Variants in DROSHA observed in about 807,000 individuals in gnomAD.
DROSHA encodes the protein ribonuclease 3.
In DROSHA, 56 loss-of-function variants were observed where a neutral mutation model predicts 181.9. The observed-to-expected ratio is 0.31, with a 90% CI of 0.25 to 0.38. The LOEUF is 0.38. Ranked by LOEUF, DROSHA falls within the 10% of genes least tolerant of loss-of-function variation. The probability of loss-of-function intolerance (pLI) is 1.00; values close to 1 mark genes in which losing one functional copy is unlikely to be tolerated. For missense variants in DROSHA, 1,218 were observed against 1,743.5 expected (o/e 0.70, Z 5.37); for synonymous variants, 524 against 591.2 (o/e 0.89, Z 1.65).
At chr5:31,464,209 T>A in intron 20 of DROSHA, 27 bp downstream of exon 20, 1 of 1,603,612 alleles carries the variant, frequency 6.2e-7, no homozygotes. Flanking sequence ...AGTATGGGCA[T>A]AACTGTGTCC....
intron 29 of DROSHA, chr5:31,421,917 C>CATGTGTGTGTGTGTGTGTGTGTGT (rs1554020886): frequency 1.3e-5 from 1 of 75,188 alleles, no homozygotes; most frequent in African/African-American, 6.3e-5. Context: ...AAAAATTAGC[C>CATGTGTGTGTGTGTGTGTGTGTGT]GTGTGTGTGT....
chr5:31,487,738 T>C (rs2150039421), intron 13 of DROSHA, among the ~76,000 whole-genome samples: 1 of 152,312 alleles, frequency 6.6e-6, no homozygotes, highest in Non-Finnish European at 1.5e-5. Flanking sequence ...GATACAAAGT[T>C]TAGTTCTTGG....
intron 31 of DROSHA, among the ~76,000 whole-genome samples, chr5:31,410,444 C>G (rs1481492395): frequency 1.3e-5 from 2 of 152,174 alleles, no homozygotes; most frequent in Admixed American, 1.3e-4. Flanking sequence ...TGATTTACAA[C>G]AACTGATCTT....
At chr5:31,422,673 AC>A (rs1742911343) in intron 29 of DROSHA, 113 bp downstream of exon 29, 1 of 1,344,070 alleles carries the variant, frequency 7.4e-7, no homozygotes, top group Non-Finnish European at 1.0e-6. Context: ...TCACAATGTG[AC>A]TTTCCTGGAA....
chr5:31,475,605 C>A (rs1328327338), intron 16 of DROSHA, among the ~76,000 whole-genome samples: 1 of 152,174 alleles, frequency 6.6e-6, no homozygotes, highest in Non-Finnish European at 1.5e-5. Flanking sequence ...GCCACACTAA[C>A]TAGGTTCACT....
chr5:31,523,434 A>G (rs759387614), intron 5 of DROSHA, among the ~76,000 whole-genome samples: 3 of 152,212 alleles, frequency 2.0e-5, no homozygotes, highest in Non-Finnish European at 2.9e-5. Context: ...AGTTTCTTCA[A>G]ACAAATACAT....
Position 31,411,393 on chromosome 5 carries a change from C to T in DROSHA, c.3526-506G>A, listed in dbSNP as rs1296563630. The stretch of plus-strand genomic sequence containing the variant: ...CTCCATGCAGTGAATCCTTCCCAAC[C>T]CCTGACCAGGCAAACGGCCTGCTTT... On this transcript the variant is annotated intron_variant, in intron 30 of 35. Coordinates refer to ENST00000344624, the MANE Select transcript of DROSHA (RefSeq NM_001382508.1). The surrounding 1 kb of genome is among the most constrained non-coding windows in gnomAD (Gnocchi z 4.2). Among the ~76,000 whole-genome samples, 1 of 152,076 alleles carries T rather than the reference C, an allele frequency of 6.6e-6. No homozygotes were observed. The highest frequency in any genetic ancestry group is 1.5e-5 in the Non-Finnish European group (1 of 68,018).
intron 8 of DROSHA, among the ~76,000 whole-genome samples, chr5:31,512,840 C>T (rs1184479083): frequency 1.3e-5 from 2 of 152,206 alleles, no homozygotes; most frequent in Admixed American, 1.3e-4. Context: ...ACCTGACAGC[C>T]AACAAGGACA....
chr5:31,518,973 T>G (rs1158187886), intron 6 of DROSHA, among the ~76,000 whole-genome samples: 1 of 152,148 alleles, frequency 6.6e-6, no homozygotes, highest in Non-Finnish European at 1.5e-5. Flanking sequence ...AGAAGGGCAT[T>G]TCAACACAGA....
chr5:31,404,281 T>C (rs1388800068), intron 35 of DROSHA, among the ~76,000 whole-genome samples: 1 of 152,142 alleles, frequency 6.6e-6, no homozygotes, highest in Non-Finnish European at 1.5e-5. Flanking sequence ...AAACAAAAAA[T>C]GGAATCTCAC....
Position 31,435,869 on chromosome 5 carries a change from A to C in DROSHA, c.2943-5T>G, listed in dbSNP as rs77666632. On this transcript the variant is annotated splice_region_variant and splice_polypyrimidine_tract_variant and intron_variant, in intron 24 of 35. Coordinates refer to ENST00000344624, the MANE Select transcript of DROSHA (RefSeq NM_001382508.1). ...AACAAATAGTACAAATGGACGCTAC[A>C]AAAAAAAAAAGAAGTACATGAATAA... 1 of 704,898 alleles carries C rather than the reference A, an allele frequency of 1.4e-6. No homozygotes were observed. Among genetic ancestry groups the C allele is most frequent in the African/African-American group, 1.9e-5 (1 of 52,704 alleles). The allele number at this position is 704,898 out of a possible 1,614,324, so 43.7% of individuals were successfully genotyped here.
chr5:31,472,316 A>G, intron 16 of DROSHA, 84 bp from the exon 17 acceptor site: 1 of 1,433,694 alleles, frequency 7.0e-7, no homozygotes, highest in South Asian at 1.5e-5. Context: ...AAGGAAAAAA[A>G]CAAGACAATG....
intron 5 of DROSHA, among the ~76,000 whole-genome samples, chr5:31,522,592 T>A (rs142143799): frequency 6.6e-6 from 1 of 152,360 alleles, no homozygotes; most frequent in East Asian, 1.9e-4. Flanking sequence ...TAAGACAAAT[T>A]CTTTTAAAGC....
intron 11 of DROSHA, among the ~76,000 whole-genome samples, chr5:31,503,399 G>C (rs1382833292): frequency 6.6e-6 from 1 of 152,088 alleles, no homozygotes; most frequent in African/African-American, 2.4e-5. Flanking sequence ...CTGCCTACAG[G>C]TCCCTAGCTG....
intron 6 of DROSHA, among the ~76,000 whole-genome samples, chr5:31,516,586 T>C (rs1291188766): frequency 6.6e-6 from 1 of 152,232 alleles, no homozygotes; most frequent in Non-Finnish European, 1.5e-5. Flanking sequence ...GACATTACAA[T>C]ACGCATCATT....
At chr5:31,521,462 C>T (rs79251675) in intron 5 of DROSHA, among the ~76,000 whole-genome samples, 6 of 152,292 alleles carry the variant, frequency 3.9e-5, no homozygotes, top group Admixed American at 1.3e-4. Flanking sequence ...CATGATGCTA[C>T]GCAATAATGG....
chr5:31,497,108 G>A (rs192979797), intron 11 of DROSHA, among the ~76,000 whole-genome samples: 6 of 152,304 alleles, frequency 3.9e-5, no homozygotes, highest in East Asian at 1.9e-4. Context: ...CAAGTGATGC[G>A]ACTCTGAGCT....
At chr5:31,476,140 G>A (rs566313740) in intron 16 of DROSHA, among the ~76,000 whole-genome samples, 1 of 152,300 alleles carries the variant, frequency 6.6e-6, no homozygotes, top group African/African-American at 2.4e-5. Flanking sequence ...CAAGGTGGGT[G>A]GATCACCTGA....
chr5:31,510,569 A>G (rs1477078160), intron 9 of DROSHA, among the ~76,000 whole-genome samples: 1 of 152,248 alleles, frequency 6.6e-6, no homozygotes, highest in Non-Finnish European at 1.5e-5. Flanking sequence ...GAACATACAC[A>G]TGAAAAAATA....
Sources: gnomAD v4.1 joint callset for allele counts (sites outside exome capture counted in the v4.1 genomes callset) on GRCh38, gnomAD v4.1.1 for gene constraint, Gnocchi (gnomAD v3.1) non-coding constraint, MANE v1.5 for transcripts, NCBI Gene and HGNC (gene_info 2026-07-23, HGNC 2026-07-21) for gene names.